The following ADAMTS3 variants were observed in gnomAD, a reference collection of about 807,000 sequenced individuals.
The protein encoded by ADAMTS3 is ADAM metallopeptidase with thrombospondin type 1 motif 3, also known as A disintegrin and metalloproteinase with thrombospondin motifs 3.
ADAMTS3 carries 73 observed loss-of-function variants against 129.0 expected under a neutral mutation model. That is an observed-to-expected ratio of 0.57 (90% confidence interval 0.47 to 0.69). The LOEUF is 0.69. Among genes scored for constraint, ADAMTS3 ranks in the 30% least tolerant of loss-of-function variants. The pLI is 0.00. For synonymous variants in ADAMTS3, 477 were observed against 510.8 expected (o/e 0.93, Z 0.89); for missense variants, 1,457 against 1,514.5 (o/e 0.96, Z 0.63).
At chr4:72,434,360 T>C (rs971301148) in intron 3 of ADAMTS3, among the ~76,000 whole-genome samples, 3 of 151,842 alleles carry the variant, frequency 2.0e-5, no homozygotes, top group African/African-American at 4.8e-5. Flanking sequence ...CAAGGTCACA[T>C]TGTGAGTGGC....
intron 4 of ADAMTS3, among the ~76,000 whole-genome samples, chr4:72,393,893 A>G (rs1437503951): frequency 6.6e-6 from 1 of 152,202 alleles, no homozygotes; most frequent in African/African-American, 2.4e-5. Flanking sequence ...AATTTGTTTT[A>G]TTAAGAAACT....
chr4:72,551,218 A>G (rs1226224312), intron 2 of ADAMTS3, among the ~76,000 whole-genome samples: 1 of 152,170 alleles, frequency 6.6e-6, no homozygotes, highest in Non-Finnish European at 1.5e-5. Context: ...ACCAAAGTCT[A>G]AATCAGTATA....
At chr4:72,293,688 C>A (rs761589457) in intron 19 of ADAMTS3, among the ~76,000 whole-genome samples, 3 of 152,074 alleles carry the variant, frequency 2.0e-5, no homozygotes, top group Non-Finnish European at 4.4e-5. Flanking sequence ...TTCTAATCAG[C>A]CTTCTAAACA....
chr4:72,507,862 C>T (rs1322576410), intron 3 of ADAMTS3, among the ~76,000 whole-genome samples: 1 of 152,186 alleles, frequency 6.6e-6, no homozygotes, highest in Non-Finnish European at 1.5e-5. Context: ...TTATGAATAT[C>T]CAGTACACAG....
rs562704232 is a variant in ADAMTS3 at position 72,463,430 on chromosome 4, A to C, written c.505-48459T>G. On this transcript the variant is annotated intron_variant, in intron 3 of 21. Coordinates refer to ENST00000286657, the MANE Select transcript of ADAMTS3 (RefSeq NM_014243.3). ...TATTTATGCCTTGGCATTTGTGCAA[A>C]GCAGAAGCATACATTGTAATCACTT... Among the ~76,000 whole-genome samples the C allele has an allele frequency of 2.0e-5, 3 of 152,146 alleles. No homozygotes were observed. The South Asian group carries it at 6.2e-4, about 32-fold the overall frequency.
At chr4:72,391,102 A>G (rs1578638645) in intron 4 of ADAMTS3, among the ~76,000 whole-genome samples, 1 of 152,204 alleles carries the variant, frequency 6.6e-6, no homozygotes, top group Non-Finnish European at 1.5e-5. Flanking sequence ...TACGGGTAAC[A>G]TCACTGAAAT....
At chr4:72,470,119 A>C (rs2109992801) in intron 3 of ADAMTS3, among the ~76,000 whole-genome samples, 1 of 152,166 alleles carries the variant, frequency 6.6e-6, no homozygotes, top group Admixed American at 6.5e-5. Context: ...TTTGTATACA[A>C]GATGAGAAAA....
intron 3 of ADAMTS3, among the ~76,000 whole-genome samples, chr4:72,512,587 A>C (rs546210723): frequency 6.6e-6 from 1 of 152,346 alleles, no homozygotes; most frequent in East Asian, 1.9e-4. Context: ...ATATTTTAAC[A>C]TAACTGAAAG....
chr4:72,298,905 G>T (rs1272548671), intron 17 of ADAMTS3, among the ~76,000 whole-genome samples: 1 of 151,720 alleles, frequency 6.6e-6, no homozygotes, highest in East Asian at 1.9e-4. Context: ...GGAAATTGTT[G>T]TGTTGTGATG....
At chr4:72,316,385 T>A (rs1257282795) in intron 10 of ADAMTS3, among the ~76,000 whole-genome samples, 1 of 152,108 alleles carries the variant, frequency 6.6e-6, no homozygotes, top group Non-Finnish European at 1.5e-5. Context: ...GATAGATAGT[T>A]GAATATAAAT....
intron 3 of ADAMTS3, among the ~76,000 whole-genome samples, chr4:72,455,526 G>A (rs915099316): frequency 2.7e-5 from 4 of 150,490 alleles, no homozygotes; most frequent in African/African-American, 7.3e-5. Flanking sequence ...TAATGTAGAT[G>A]ATGGGTTGAT....
At chr4:72,336,586 G>A (rs1719995081) in intron 5 of ADAMTS3, among the ~76,000 whole-genome samples, 1 of 152,090 alleles carries the variant, frequency 6.6e-6, no homozygotes, top group Non-Finnish European at 1.5e-5. Context: ...GGGTATGGAG[G>A]AGAAGGAAGA....
chr4:72,290,652 G>A (rs1718632046), intron 20 of ADAMTS3, among the ~76,000 whole-genome samples: 1 of 152,168 alleles, frequency 6.6e-6, no homozygotes, highest in African/African-American at 2.4e-5. Flanking sequence ...TCTTCTCTAT[G>A]TTATGAAACA....
chr4:72,437,414 G>T (rs1224650541), intron 3 of ADAMTS3, among the ~76,000 whole-genome samples: 1 of 151,686 alleles, frequency 6.6e-6, no homozygotes. Context: ...ATAAAAGAAG[G>T]CTCTGTACCA....
intron 3 of ADAMTS3, among the ~76,000 whole-genome samples, chr4:72,505,215 T>A (rs1032604077): frequency 6.6e-6 from 1 of 152,198 alleles, no homozygotes; most frequent in Non-Finnish European, 1.5e-5. Context: ...GTTATTTTCA[T>A]GTGGGTAGGA....
intron 3 of ADAMTS3, among the ~76,000 whole-genome samples, chr4:72,543,441 T>C (rs1721387373): frequency 6.6e-6 from 1 of 152,146 alleles, no homozygotes; most frequent in Admixed American, 6.5e-5. Context: ...TTATTCACAG[T>C]ATCTAAAATG....
rs565339074 is a variant in ADAMTS3 at position 72,322,312 on chromosome 4, C to T, written c.945+702G>A. On this transcript the variant is annotated intron_variant, in intron 6 of 21. Transcript: ENST00000286657. ...TACAACTTCGTTAATATTTCATAAT[C>T]AGGAGGATTAACTATGGGAGAGAGA... Among the ~76,000 whole-genome samples, 6 of 152,242 alleles carry T rather than the reference C, an allele frequency of 3.9e-5. No homozygotes were observed. In the South Asian group the frequency reaches 1.2e-3, roughly 32 times the overall value.
chr4:72,479,551 GA>G (rs1345945033), intron 3 of ADAMTS3, among the ~76,000 whole-genome samples: 4 of 152,172 alleles, frequency 2.6e-5, no homozygotes, highest in Non-Finnish European at 2.9e-5. Flanking sequence ...ACTCAAGATG[GA>G]TTAAAGACTT....
intron 4 of ADAMTS3, among the ~76,000 whole-genome samples, chr4:72,369,910 T>C (rs1720962125): frequency 6.6e-6 from 1 of 152,160 alleles, no homozygotes; most frequent in Admixed American, 6.5e-5. Flanking sequence ...AAGCCATCTA[T>C]GTTCTTTTCC....
Sources: gnomAD v4.1 joint callset for allele counts (sites outside exome capture counted in the v4.1 genomes callset) on GRCh38, gnomAD v4.1.1 for gene constraint, MANE v1.5 for transcripts, NCBI Gene and HGNC (gene_info 2026-07-23, HGNC 2026-07-21) for gene names.